IL1RAPL2: variants seen among roughly 807,000 people sequenced by gnomAD.
The protein encoded by IL1RAPL2 is interleukin 1 receptor accessory protein like 2, also known as X-linked interleukin-1 receptor accessory protein-like 2.
A neutral mutation model predicts 44.1 loss-of-function variants in IL1RAPL2; 3 were observed. The observed-to-expected ratio is 0.07, with a 90% CI of 0.03 to 0.18. The LOEUF is 0.18. IL1RAPL2 is among the 10% of genes least tolerant of loss of function. The probability of loss-of-function intolerance (pLI) is 1.00; values close to 1 mark genes in which losing one functional copy is unlikely to be tolerated. For synonymous variants in IL1RAPL2, 181 were observed against 178.8 expected (o/e 1.01, Z -0.10); for missense variants, 391 against 496.4 (o/e 0.79, Z 2.02).
intron 6 of IL1RAPL2, among the ~76,000 whole-genome samples, chrX:105,661,404 C>A (rs977209727): frequency 1.8e-5 from 2 of 112,001 alleles, no homozygotes; most frequent in East Asian, 5.6e-4. Context: ...TGAATTTAAT[C>A]TGTACTATAG....
chrX:104,661,217 T>TGAGA (rs1180893230), intron 2 of IL1RAPL2, among the ~76,000 whole-genome samples: 3 of 111,420 alleles, frequency 2.7e-5, no homozygotes, highest in African/African-American at 9.8e-5. Flanking sequence ...TCTCTGCTTC[T>TGAGA]CCTTCCCTTT....
chrX:104,946,235 C>T (rs1412522983), intron 2 of IL1RAPL2, among the ~76,000 whole-genome samples: 24 of 99,471 alleles, frequency 2.4e-4, no homozygotes, highest in Non-Finnish European at 4.1e-4. Flanking sequence ...TAGCCAGGCG[C>T]GGTGGCGGGC....
chrX:104,634,805 G>C (rs1309547878), intron 1 of IL1RAPL2, among the ~76,000 whole-genome samples: 4 of 111,856 alleles, frequency 3.6e-5, no homozygotes, highest in African/African-American at 1.3e-4. Context: ...CAATTTGCCA[G>C]TCTGTGTCTT....
At chrX:104,923,615 G>T (rs1012900029) in intron 2 of IL1RAPL2, among the ~76,000 whole-genome samples, 26 of 111,657 alleles carry the variant, frequency 2.3e-4, no homozygotes, top group African/African-American at 7.8e-4. Flanking sequence ...AAGGGAATTT[G>T]TCACCACTAG....
intron 6 of IL1RAPL2, among the ~76,000 whole-genome samples, chrX:105,689,966 G>T (rs764812303): frequency 1.8e-5 from 2 of 111,362 alleles, no homozygotes; most frequent in Admixed American, 1.9e-4. Context: ...ACTGTTACAA[G>T]GACAGAAAAC....
intron 2 of IL1RAPL2, among the ~76,000 whole-genome samples, chrX:104,932,078 G>A: frequency 9.7e-6 from 1 of 103,285 alleles, no homozygotes; most frequent in Non-Finnish European, 2.0e-5. Flanking sequence ...TGCAACCCCT[G>A]CCTCCCAGGT....
At chrX:104,639,212 T>C (rs1929886130) in intron 1 of IL1RAPL2, among the ~76,000 whole-genome samples, 1 of 111,832 alleles carries the variant, frequency 8.9e-6, no homozygotes, top group Non-Finnish European at 1.9e-5. Flanking sequence ...CTTAGGCCCC[T>C]GAATAGCAGG....
At chrX:105,645,535 G>T (rs1329504526) in intron 6 of IL1RAPL2, among the ~76,000 whole-genome samples, 1 of 111,981 alleles carries the variant, frequency 8.9e-6, no homozygotes, top group East Asian at 2.8e-4. Flanking sequence ...AAACAAAATA[G>T]TGTGGAGGAT....
chrX:105,011,138 T>C (rs1391820601), intron 2 of IL1RAPL2, among the ~76,000 whole-genome samples: 1 of 111,243 alleles, frequency 9.0e-6, no homozygotes, highest in African/African-American at 3.3e-5. Flanking sequence ...TTAACTTCTA[T>C]AAGCCTGCTT....
At chrX:105,570,944 T>C (rs2037010586) in intron 6 of IL1RAPL2, among the ~76,000 whole-genome samples, 1 of 111,415 alleles carries the variant, frequency 9.0e-6, no homozygotes, top group African/African-American at 3.3e-5. Context: ...TGTGTAGGAA[T>C]TGGGGAGGGA....
At chrX:104,577,588 T>C (rs759814031) in intron 1 of IL1RAPL2, among the ~76,000 whole-genome samples, 4 of 111,107 alleles carry the variant, frequency 3.6e-5, no homozygotes, top group Non-Finnish European at 7.6e-5. Context: ...AAACTGGTTG[T>C]GAGGTGGGAA....
chrX:105,132,110 G>T (rs896125092), intron 2 of IL1RAPL2, among the ~76,000 whole-genome samples: 1 of 108,456 alleles, frequency 9.2e-6, no homozygotes, highest in African/African-American at 3.4e-5. Flanking sequence ...AAATACCAAA[G>T]GTTTCAATGA....
At chrX:105,521,879 A>G (rs907797838) in intron 6 of IL1RAPL2, among the ~76,000 whole-genome samples, 1 of 112,317 alleles carries the variant, frequency 8.9e-6, no homozygotes, top group Admixed American at 9.4e-5. Flanking sequence ...CTGTATAACT[A>G]CTACCCACTG....
chrX:105,207,309 A>G (rs987355383), intron 3 of IL1RAPL2, among the ~76,000 whole-genome samples: 2 of 111,643 alleles, frequency 1.8e-5, no homozygotes, highest in East Asian at 5.6e-4. Flanking sequence ...TATACAAATC[A>G]CAATCAAACA....
intron 2 of IL1RAPL2, among the ~76,000 whole-genome samples, chrX:104,700,322 C>T (rs1217320501): frequency 2.7e-5 from 3 of 111,545 alleles, no homozygotes; most frequent in Non-Finnish European, 5.7e-5. Context: ...ACCTGAATAT[C>T]GGGATAGGTG....
chrX:105,734,673 C>G (rs904563952), intron 7 of IL1RAPL2, among the ~76,000 whole-genome samples: 2 of 111,437 alleles, frequency 1.8e-5, no homozygotes, highest in Non-Finnish European at 3.8e-5. Context: ...GAATTATAGG[C>G]ATGAACCACT....
chrX:104,811,569 G>T (rs1932980427), intron 2 of IL1RAPL2, among the ~76,000 whole-genome samples: 1 of 110,945 alleles, frequency 9.0e-6, no homozygotes, highest in Non-Finnish European at 1.9e-5. Context: ...GCAGAGTAAG[G>T]AGGAACCAGG....
In IL1RAPL2 at chrX:105,325,944, G is replaced by A. The variant is rs189744139; in HGVS notation, c.697+58403G>A. ...CAGGTTATTTGTCTTTTTATTATTTGAGTTATGACTTTTTATATATTTAAG... is the reference window on the plus strand; with the variant it reads ...CAGGTTATTTGTCTTTTTATTATTTAAGTTATGACTTTTTATATATTTAAG... On this transcript the variant is annotated intron_variant, in intron 5 of 10. Coordinates refer to ENST00000372582, the MANE Select transcript of IL1RAPL2 (RefSeq NM_017416.2). Among the ~76,000 whole-genome samples, 61 of 111,228 alleles carry A rather than the reference G, an allele frequency of 5.5e-4. 4 individuals are homozygous for A. In the East Asian group the frequency reaches 7.3e-3, roughly 13 times the overall value.
intron 2 of IL1RAPL2, among the ~76,000 whole-genome samples, chrX:105,048,659 T>A (rs1045851602): frequency 2.7e-5 from 3 of 111,775 alleles, no homozygotes; most frequent in Non-Finnish European, 5.6e-5. Context: ...GTAGCTGCCA[T>A]AGTGGACAGT....
Sources: allele counts gnomAD v4.1 joint callset (sites outside exome capture counted in the v4.1 genomes callset), GRCh38; gene constraint gnomAD v4.1.1; transcripts MANE v1.5; gene names NCBI Gene and HGNC (gene_info 2026-07-23, HGNC 2026-07-21).